Variants in EFCAB14 observed in about 807,000 individuals in gnomAD.
EFCAB14 encodes EF-hand calcium binding domain 14, also known as EF-hand calcium-binding domain-containing protein 14.
A neutral mutation model predicts 56.5 loss-of-function variants in EFCAB14; 43 were observed. The ratio of observed to expected loss-of-function variants is 0.76; its 90% CI spans 0.60 to 0.98. EFCAB14 has a LOEUF of 0.98. Ranked by LOEUF, EFCAB14 falls within the 50% of genes least tolerant of loss-of-function variation. The pLI is 0.00. For missense variants in EFCAB14, 538 were observed against 580.3 expected, an observed-to-expected ratio of 0.93 and a Z score of 0.75; for synonymous variants, 235 against 212.9, an observed-to-expected ratio of 1.10 and a Z score of -0.90.
chr1:46,695,295 G>A (rs1569707409), intron 4 of EFCAB14, among the ~76,000 whole-genome samples: 1 of 152,156 alleles, frequency 6.6e-6, no homozygotes, highest in African/African-American at 2.4e-5. Context: ...GGCTACAGAA[G>A]CCTATCATTT....
At position 46,716,446 on chromosome 1, in the gene EFCAB14, G is replaced by A; in HGVS notation, c.186-3C>T. On this transcript the variant is annotated splice_region_variant and splice_polypyrimidine_tract_variant and intron_variant, in intron 1 of 10. Transcript: ENST00000371933. ...TGCAGCATCGTAAATAGTCTCCCCT[G>A]CTCAAGAGGACAAATTCAACCATGA... 3 of 1,613,656 alleles carry A rather than the reference G, an allele frequency of 1.9e-6. No individual in the cohort carries two copies. The highest frequency in any genetic ancestry group is 2.5e-6 in the Non-Finnish European group (3 of 1,179,866).
chr1:46,718,867 C>G lies in EFCAB14; in HGVS notation c.-780G>C, dbSNP rs12568734. The stretch of plus-strand genomic sequence containing the variant: ...CGCCCCGCTGTCTGGGCCTTGGGGA[C>G]ACGGTGCCGCGGGCGACGGCGGCTC... On this transcript the variant is annotated 5_prime_UTR_variant, in exon 1 of 11. Coordinates refer to ENST00000371933, the MANE Select transcript of EFCAB14 (RefSeq NM_014774.3). The G allele has an allele frequency of 6.6e-6, 1 of 152,354 alleles. No individual in the cohort carries two copies. The highest frequency in any genetic ancestry group is 1.5e-5 in the Non-Finnish European group (1 of 68,184). The allele number at this position is 152,354 out of a possible 1,614,324, so 9.4% of individuals were successfully genotyped here.
intron 10 of EFCAB14, chr1:46,682,116 T>C (rs1279304586): frequency 6.6e-6 from 1 of 152,252 alleles, no homozygotes; most frequent in Non-Finnish European, 1.5e-5. Flanking sequence ...GGTACTGTGC[T>C]AGGGGCTGGG....
rs569157631 is a variant in EFCAB14, at chr1:46,689,785, A to G, written c.691-94T>C. 1.6e-5 allele frequency: 17 copies of G among 1,057,836 alleles called. No individual in the cohort carries two copies. In the South Asian group the frequency reaches 2.3e-4, roughly 14 times the overall value. 65.5% of individuals were successfully genotyped at this position (1,057,836 alleles called of 1,614,324 possible). A position where few individuals can be genotyped will look rare whatever the true frequency, so the allele number is the denominator to read the frequency against. ...GTCCTAGAACATTCTAGCCTCCCCC[A>G]GAATGCATCCACAGATTAATCAGTA... On this transcript the variant is annotated intron_variant, in intron 5 of 10. Transcript: ENST00000371933.
chr1:46,708,017 G>T lies in EFCAB14; in HGVS notation c.369C>A (p.Ile123=). 1 of 1,612,352 alleles carries T rather than the reference G, an allele frequency of 6.2e-7. No individual in the cohort carries two copies. The highest frequency in any genetic ancestry group is 1.3e-5 in the African/African-American group (1 of 74,990). The change falls in exon 3 of 11, where the codon ATC becomes ATA. Residue 123 remains isoleucine, a synonymous_variant. Coordinates refer to ENST00000371933, the MANE Select transcript of EFCAB14 (RefSeq NM_014774.3). ...TGAGTAGTTCTTCATTAAGTTTGGG[G>T]ATTTCTTGGAATGAGCTTTTCTGAT... is the stretch of plus-strand genomic sequence containing the variant. ...ESNQKSSFQE[I]PKLNEELLSK...
Position 46,686,839 on chromosome 1 carries a change from T to C in EFCAB14, c.1019A>G (p.Gln340Arg), listed in dbSNP as rs1298950868. Reference sequence around the variant, plus strand: ...TCTGTTGGTGACTTGATCCAAAGACTGTCTTTTCAGAGTGGCAGATCTATC... The same window carrying C: ...TCTGTTGGTGACTTGATCCAAAGACCGTCTTTTCAGAGTGGCAGATCTATC... ...MGDRSATLKR[Q>R]SLDQVTNRTD... The change falls in exon 8 of 11, where the codon CAG (glutamine) becomes CGG (arginine). Residue 340 changes from glutamine to arginine, a missense_variant. Physicochemically the swap from Gln to Arg is conservative, Grantham distance 43. Transcript: ENST00000371933. 6.2e-7 allele frequency: 1 copy of C among 1,613,842 alleles called. No homozygotes were observed. The highest frequency in any genetic ancestry group is 8.5e-7 in the Non-Finnish European group (1 of 1,179,848).
intron 8 of EFCAB14, 99 bp from the exon 9 acceptor site, chr1:46,684,701 C>T (rs1442643262): frequency 2.1e-6 from 2 of 931,912 alleles, no homozygotes; most frequent in Non-Finnish European, 1.7e-6. Flanking sequence ...TAGTGTTTGA[C>T]CCTCAGTAGG....
chr1:46,684,519 GCT>G lies in EFCAB14; in HGVS notation c.1156_1157del (p.Ser386GlnfsTer9). On this transcript the variant is annotated frameshift_variant, in exon 9 of 11. Transcript: ENST00000371933. LOFTEE classifies it high-confidence loss of function. Reference sequence around the variant, plus strand: ...CATCGGCGGTCTCTGGAGGCCTGTTGCTCTCAGGTTTGTTTGTAAGAGCACTG... The same window carrying G: ...CATCGGCGGTCTCTGGAGGCCTGTTGCTCAGGTTTGTTTGTAAGAGCACTG... ...LISALTNKPE[S>X]NRPPETADEE... 1.2e-6 allele frequency: 2 copies of G among 1,614,024 alleles called. No individual in the cohort carries two copies. Among genetic ancestry groups the G allele is most frequent in the Non-Finnish European group, 1.7e-6 (2 of 1,179,960 alleles).
In EFCAB14 at chr1:46,675,237, T is replaced by A. The variant is rs1042860392; in HGVS notation, c.*3224A>T. On this transcript the variant is annotated 3_prime_UTR_variant, in exon 11 of 11. Coordinates refer to ENST00000371933, the MANE Select transcript of EFCAB14 (RefSeq NM_014774.3). ...TTATTTGAAATATGCAAAGCTCAAA[T>A]CAAGTCATGGAAACCCTGAATTCTC... The A allele has an allele frequency of 2.0e-5, 3 of 152,562 alleles. No homozygotes were observed. The highest frequency in any genetic ancestry group is 4.4e-5 in the Non-Finnish European group (3 of 68,012). 9.5% of individuals were successfully genotyped at this position (152,562 alleles called of 1,614,324 possible).
intron 1 of EFCAB14, among the ~76,000 whole-genome samples, chr1:46,716,979 A>G (rs1677407038): frequency 6.6e-6 from 1 of 152,248 alleles, no homozygotes; most frequent in Admixed American, 6.5e-5. Context: ...AAGGAAACAT[A>G]GAAGGGGCTG....
At chr1:46,696,525 T>C (rs138827416) in intron 4 of EFCAB14, 26 bp downstream of exon 4, 1 of 1,600,438 alleles carries the variant, frequency 6.2e-7, no homozygotes, top group African/African-American at 1.3e-5. Context: ...CCTTCTGAAG[T>C]CTCTGTACCC....
chr1:46,701,010 T>TGTGC (rs1271604903), intron 3 of EFCAB14, among the ~76,000 whole-genome samples: 1 of 151,684 alleles, frequency 6.6e-6, no homozygotes, highest in African/African-American at 2.4e-5. Context: ...TGTGTGTGTG[T>TGTGC]GCATGTGAGA....
intron 4 of EFCAB14, among the ~76,000 whole-genome samples, chr1:46,694,828 C>T (rs946419167): frequency 6.6e-6 from 1 of 152,094 alleles, no homozygotes; most frequent in Non-Finnish European, 1.5e-5. Context: ...GGAACCAACC[C>T]AAATGTCCAT....
chr1:46,694,691 C>G (rs866544087), intron 4 of EFCAB14, among the ~76,000 whole-genome samples: 1 of 152,174 alleles, frequency 6.6e-6, no homozygotes, highest in Non-Finnish European at 1.5e-5. Context: ...GGATCTAGAA[C>G]TAGAAATACC....
Position 46,693,626 on chromosome 1 carries a change from C to T in EFCAB14, c.580-1689G>A, listed in dbSNP as rs190606787. Among the ~76,000 whole-genome samples, 232 of 152,294 alleles carry T rather than the reference C, an allele frequency of 1.5e-3. 1 individual carries two copies. The Middle Eastern group carries it at 0.027, about 18-fold the overall frequency. On this transcript the variant is annotated intron_variant, in intron 4 of 10. Coordinates refer to ENST00000371933, the MANE Select transcript of EFCAB14 (RefSeq NM_014774.3). ...ACACCTACTGTTTGTGAATCCAATC[C>T]TCACTGGCTGGATGTATGAACCCAT...
chr1:46,694,839 C>G (rs1043491191), intron 4 of EFCAB14, among the ~76,000 whole-genome samples: 6 of 152,104 alleles, frequency 3.9e-5, no homozygotes, highest in African/African-American at 1.2e-4. Context: ...AAATGTCCAT[C>G]AGTGATAGAC....
Position 46,689,443 on chromosome 1 carries a change from C to T in EFCAB14, c.795+144G>A, listed in dbSNP as rs190660552. ...GCAATATGGATCCCCGAGATACCAA[C>T]ACACATTCCTCTCTGCTCAGCTCCC... On this transcript the variant is annotated intron_variant, in intron 6 of 10. Transcript: ENST00000371933. 398 of 695,424 alleles carry T rather than the reference C, an allele frequency of 5.7e-4. 1 individual carries two copies. The highest frequency in any genetic ancestry group is 1.3e-3 in the Admixed American group (48 of 37,428). The allele number at this position is 695,424 out of a possible 1,614,324, so 43.1% of individuals were successfully genotyped here.
At chr1:46,701,827 A>C (rs1677162615) in intron 3 of EFCAB14, among the ~76,000 whole-genome samples, 1 of 152,204 alleles carries the variant, frequency 6.6e-6, no homozygotes, top group South Asian at 2.1e-4. Context: ...TGGATCACCC[A>C]CTGTTCCCTA....
rs1676750937 is a variant in EFCAB14, at chr1:46,679,336, T to C, written c.1313-700A>G. On this transcript the variant is annotated intron_variant, in intron 10 of 10. Transcript: ENST00000371933. ...TTTTTTTTGAAGCTAAGTCTCACTC[T>C]GTCGCCCACGCTGGAGTGCAGTGGC... 2.6e-5 allele frequency among the ~76,000 whole-genome samples: 4 copies of C among 152,380 alleles called. 1 individual carries two copies. In the South Asian group the frequency reaches 8.3e-4, roughly 32 times the overall value.
Sources: allele counts gnomAD v4.1 joint callset (sites outside exome capture counted in the v4.1 genomes callset), GRCh38; gene constraint gnomAD v4.1.1; transcripts MANE v1.5; gene names NCBI Gene and HGNC (gene_info 2026-07-23, HGNC 2026-07-21).